Variants in IL20RB observed in about 807,000 individuals in gnomAD.
IL20RB encodes interleukin-20 receptor subunit beta.
IL20RB carries 21 observed loss-of-function variants against 33.3 expected under a neutral mutation model. The observed-to-expected ratio is 0.63, with a 90% CI of 0.45 to 0.91. The LOEUF (loss-of-function observed/expected upper bound fraction) is 0.91, where lower values mean the gene tolerates loss of function less well. Ranked by LOEUF, IL20RB falls within the 40% of genes least tolerant of loss-of-function variation. The pLI, the probability that IL20RB is intolerant of heterozygous loss-of-function variation, is 0.00. For synonymous variants in IL20RB, 147 were observed against 146.8 expected (o/e 1.00, Z -0.01); for missense variants, 345 against 384.8 (o/e 0.90, Z 0.86).
rs767343820 is a variant in IL20RB at position 136,991,961 on chromosome 3, T to C, written c.555T>C (p.Ser185=). The change falls in exon 5 of 7, where the codon AGT becomes AGC. Residue 185 remains serine, a synonymous_variant. Coordinates refer to ENST00000329582, the MANE Select transcript of IL20RB (RefSeq NM_144717.4). ...AGGAACATGTCAAAATGGTGAGGAG[T>C]GGGGGTATTCCAGTGCACCTAGAAA... ...GAEEHVKMVR[S]GGIPVHLETM... 3 of 1,613,636 alleles carry C rather than the reference T, an allele frequency of 1.9e-6. No homozygotes were observed. Among genetic ancestry groups the C allele is most frequent in the South Asian group, 1.1e-5 (1 of 91,050 alleles).
chr3:136,973,594 G>C (rs1036212573), intron 1 of IL20RB, among the ~76,000 whole-genome samples: 1 of 152,146 alleles, frequency 6.6e-6, no homozygotes, highest in African/African-American at 2.4e-5. Context: ...CTAAAGTCCA[G>C]TTTAAGTACA....
At chr3:136,961,175 T>G (rs6772311) in intron 1 of IL20RB, among the ~76,000 whole-genome samples, 1 of 152,222 alleles carries the variant, frequency 6.6e-6, no homozygotes, top group Non-Finnish European at 1.5e-5. Context: ...TTTACTTGTT[T>G]AACTTTCATT....
chr3:136,993,545 A>G (rs78690364), intron 5 of IL20RB, among the ~76,000 whole-genome samples: 1 of 152,036 alleles, frequency 6.6e-6, no homozygotes, highest in Admixed American at 6.6e-5. Flanking sequence ...TACATTAGGT[A>G]TATCTCCTAA....
At chr3:136,959,765 G>C (rs1327749122) in intron 1 of IL20RB, among the ~76,000 whole-genome samples, 1 of 152,202 alleles carries the variant, frequency 6.6e-6, no homozygotes, top group East Asian at 1.9e-4. Flanking sequence ...TCACAAGGAT[G>C]TCATAGCCAG....
rs554203237 is a variant in IL20RB, at chr3:136,990,639, G to A, written c.531+1074G>A. Among the ~76,000 whole-genome samples, 188 of 152,278 alleles carry A rather than the reference G, an allele frequency of 1.2e-3. 1 individual carries two copies. Among genetic ancestry groups the A allele is most frequent in the African/African-American group, 3.6e-3 (148 of 41,546 alleles). Reference sequence around the variant, plus strand: ...CCAATTGGTCTTGCTCGTCTTATCAGGCCAAGCTTCAGGGGTTGCTGGTAG... The same window carrying A: ...CCAATTGGTCTTGCTCGTCTTATCAAGCCAAGCTTCAGGGGTTGCTGGTAG... On this transcript the variant is annotated intron_variant, in intron 4 of 6. Transcript: ENST00000329582.
At chr3:137,004,384 C>A (rs2107722598) in intron 6 of IL20RB, among the ~76,000 whole-genome samples, 1 of 152,332 alleles carries the variant, frequency 6.6e-6, no homozygotes, top group South Asian at 2.1e-4. Flanking sequence ...GGCTGTGAAT[C>A]CGTCTGGTCC....
intron 6 of IL20RB, among the ~76,000 whole-genome samples, chr3:137,007,730 C>T (rs1005033260): frequency 6.6e-6 from 1 of 152,160 alleles, no homozygotes; most frequent in Non-Finnish European, 1.5e-5. Context: ...ATCCCCTGGC[C>T]CCTTGTGCTT....
At chr3:136,977,899 T>A (rs1324094152) in intron 1 of IL20RB, among the ~76,000 whole-genome samples, 1 of 152,162 alleles carries the variant, frequency 6.6e-6, no homozygotes, top group Non-Finnish European at 1.5e-5. Flanking sequence ...CATTTGCATA[T>A]AGGGCAAGTT....
At chr3:137,007,442 G>A (rs775594628) in intron 6 of IL20RB, among the ~76,000 whole-genome samples, 5 of 152,158 alleles carry the variant, frequency 3.3e-5, no homozygotes, top group Non-Finnish European at 5.9e-5. Flanking sequence ...GGTGGGCTCC[G>A]CCAAGTTCGA....
chr3:136,971,849 C>T (rs1024864266), intron 1 of IL20RB, among the ~76,000 whole-genome samples: 5 of 152,144 alleles, frequency 3.3e-5, no homozygotes, highest in African/African-American at 1.2e-4. Flanking sequence ...TGGGTAGATA[C>T]CCAGTAGTGG....
At chr3:136,988,757 A>C (rs1941967730) in intron 3 of IL20RB, among the ~76,000 whole-genome samples, 1 of 151,804 alleles carries the variant, frequency 6.6e-6, no homozygotes, top group African/African-American at 2.4e-5. Flanking sequence ...AAAAAAAGAA[A>C]CAAGAAAAAA....
At chr3:136,986,238 A>C (rs1401381598) in intron 3 of IL20RB, among the ~76,000 whole-genome samples, 1 of 135,338 alleles carries the variant, frequency 7.4e-6, no homozygotes, top group Non-Finnish European at 1.6e-5. Context: ...TAAATAAATA[A>C]ATAAATAAAT....
At chr3:136,999,559 T>A (rs1373674776) in intron 6 of IL20RB, among the ~76,000 whole-genome samples, 1 of 147,034 alleles carries the variant, frequency 6.8e-6, no homozygotes, top group Non-Finnish European at 1.5e-5. Context: ...CTTCAGGTAT[T>A]TTTTTTTTTT....
At chr3:136,959,069 T>C (rs1187498569) in intron 1 of IL20RB, 1 of 151,848 alleles carries the variant, frequency 6.6e-6, no homozygotes, top group African/African-American at 2.4e-5. Context: ...AAACATCAAA[T>C]TTATGGTGTT....
chr3:136,982,476 C>T, intron 3 of IL20RB, 126 bp downstream of exon 3: 1 of 633,454 alleles, frequency 1.6e-6, no homozygotes. Context: ...ATTGTGAACA[C>T]AAACAACCCT....
At chr3:137,003,230 T>G (rs1278037241) in intron 6 of IL20RB, among the ~76,000 whole-genome samples, 3 of 152,194 alleles carry the variant, frequency 2.0e-5, no homozygotes, top group African/African-American at 7.2e-5. Context: ...TTCTTTTGGC[T>G]TAGGATTCTC....
chr3:136,987,930 AAGC>A (rs1222348238), intron 3 of IL20RB, among the ~76,000 whole-genome samples: 4 of 151,722 alleles, frequency 2.6e-5, no homozygotes, highest in Admixed American at 2.6e-4. Context: ...GCTGGCCCGC[AAGC>A]GCCGCGTGCA....
At position 136,982,180 on chromosome 3, in the gene IL20RB, C is replaced by T. The variant is rs777175044; in HGVS notation, c.236C>T (p.Thr79Met). Residue 79 changes from threonine to methionine, a missense_variant, in exon 3 of 7, where the codon ACG (threonine) becomes ATG (methionine). Coordinates refer to ENST00000329582, the MANE Select transcript of IL20RB (RefSeq NM_144717.4). ...EYQGEYESLY[T>M]SHIWIPSSWC... ...GACAGGGAGTACGAGAGCCTGTACA[C>T]GAGCCACATCTGGATCCCCAGCAGC... The T allele has an allele frequency of 2.3e-5, 37 of 1,587,658 alleles. 2 individuals carry two copies. The highest frequency in any genetic ancestry group is 1.7e-4 in the African/African-American group (13 of 74,460).
intron 1 of IL20RB, among the ~76,000 whole-genome samples, chr3:136,978,165 TG>T (rs759431805): frequency 1.3e-5 from 2 of 150,458 alleles, no homozygotes; most frequent in Non-Finnish European, 3.0e-5. Context: ...GGTTCTGTCT[TG>T]TTTTTTTTTT....
Sources: allele counts gnomAD v4.1 joint callset (sites outside exome capture counted in the v4.1 genomes callset), GRCh38; gene constraint gnomAD v4.1.1; transcripts MANE v1.5; gene names NCBI Gene and HGNC (gene_info 2026-07-23, HGNC 2026-07-21).